ATXN8OS: variants seen among roughly 807,000 people sequenced by gnomAD.
The protein encoded by ATXN8OS is ATXN8 opposite strand (non-protein coding).
At chr13:70,161,185 A>C (rs1338511267) in intron 4 of ATXN8OS, among the ~76,000 whole-genome samples, 2 of 152,186 alleles carry the variant, frequency 1.3e-5, no homozygotes, top group African/African-American at 4.8e-5. Context: ...AAACTGAAAA[A>C]TTACCCACTG....
At chr13:70,156,472 T>G (rs370029625) in intron 4 of ATXN8OS, among the ~76,000 whole-genome samples, 3 of 152,062 alleles carry the variant, frequency 2.0e-5, no homozygotes, top group South Asian at 4.1e-4. Context: ...CTATAAGAAA[T>G]AATATTATAT....
intron 2 of ATXN8OS, among the ~76,000 whole-genome samples, chr13:70,127,337 A>G (rs965036024): frequency 1.3e-5 from 2 of 152,054 alleles, no homozygotes; most frequent in Non-Finnish European, 2.9e-5. Context: ...GGTTAAAACT[A>G]AACTTTTAAT....
At chr13:70,137,638 C>T (rs1349414658) in intron 3 of ATXN8OS, among the ~76,000 whole-genome samples, 2 of 152,070 alleles carry the variant, frequency 1.3e-5, no homozygotes, top group Non-Finnish European at 2.9e-5. Context: ...TGAAGAACTA[C>T]TGTACTTCAG....
intron 4 of ATXN8OS, among the ~76,000 whole-genome samples, chr13:70,162,370 C>T (rs372447553): frequency 2.0e-5 from 3 of 152,130 alleles, no homozygotes; most frequent in East Asian, 3.9e-4. Flanking sequence ...GCTGAACAAA[C>T]CCCCTAGAGG....
intron 1 of ATXN8OS, among the ~76,000 whole-genome samples, chr13:70,110,724 T>C (rs970123357): frequency 6.6e-6 from 1 of 152,030 alleles, no homozygotes; most frequent in Non-Finnish European, 1.5e-5. Flanking sequence ...TATCTATTAT[T>C]CAAAAATAAA....
At chr13:70,116,740 AG>A (rs1196891097) in intron 2 of ATXN8OS, among the ~76,000 whole-genome samples, 1 of 152,140 alleles carries the variant, frequency 6.6e-6, no homozygotes, top group Non-Finnish European at 1.5e-5. Flanking sequence ...GAAGAAAGCA[AG>A]GTAGAGAAAA....
intron 4 of ATXN8OS, among the ~76,000 whole-genome samples, chr13:70,157,508 GATATC>G (rs67130647): frequency 0.49 from 74,491 of 150,706 alleles, 20,674 homozygotes; most frequent in Non-Finnish European, 0.64. Context: ...ACATGACTAA[GATATC>G]CAGAGATTTG....
intron 1 of ATXN8OS, among the ~76,000 whole-genome samples, chr13:70,114,960 G>T (rs1256383064): frequency 6.6e-6 from 1 of 151,928 alleles, no homozygotes; most frequent in African/African-American, 2.4e-5. Flanking sequence ...CATTTCCTCA[G>T]CTGTGTGAGC....
chr13:70,148,625 C>T (rs866805828), intron 4 of ATXN8OS, among the ~76,000 whole-genome samples: 18 of 152,036 alleles, frequency 1.2e-4, no homozygotes, highest in African/African-American at 7.2e-5. Context: ...TTCTACATTC[C>T]TTTTTCTCTA....
chr13:70,110,225 AT>A (rs1384898344), intron 1 of ATXN8OS, among the ~76,000 whole-genome samples: 1 of 152,132 alleles, frequency 6.6e-6, no homozygotes, highest in Admixed American at 6.5e-5. Flanking sequence ...TTGTAGTAAC[AT>A]TTAGTATGTT....
chr13:70,115,874 A>G (rs1888271855), intron 2 of ATXN8OS, among the ~76,000 whole-genome samples: 1 of 152,084 alleles, frequency 6.6e-6, no homozygotes, highest in Non-Finnish European at 1.5e-5. Context: ...CCTCATTTGT[A>G]TTTCTAAAGT....
chr13:70,160,757 ATT>A (rs1888997641), intron 4 of ATXN8OS, among the ~76,000 whole-genome samples: 2 of 38,570 alleles, frequency 5.2e-5, no homozygotes, highest in African/African-American at 9.5e-5. Flanking sequence ...ATAATTTTAT[ATT>A]TATATAATAT....
intron 2 of ATXN8OS, among the ~76,000 whole-genome samples, chr13:70,123,693 T>C (rs1399161848): frequency 6.6e-6 from 1 of 152,056 alleles, no homozygotes; most frequent in Non-Finnish European, 1.5e-5. Context: ...CAATTCACCA[T>C]TAAGTAATGA....
intron 4 of ATXN8OS, among the ~76,000 whole-genome samples, chr13:70,148,067 T>C (rs1234555087): frequency 6.6e-6 from 1 of 151,788 alleles, no homozygotes; most frequent in Non-Finnish European, 1.5e-5. Flanking sequence ...TGGAAGAGAG[T>C]TGTGGAAGCC....
At chr13:70,152,207 A>G (rs1403813928) in intron 4 of ATXN8OS, among the ~76,000 whole-genome samples, 1 of 151,784 alleles carries the variant, frequency 6.6e-6, no homozygotes, top group Non-Finnish European at 1.5e-5. Context: ...CACCTGGCCA[A>G]TTTCTACCTA....
At chr13:70,111,301 G>T (rs1028901799) in intron 1 of ATXN8OS, among the ~76,000 whole-genome samples, 1 of 152,142 alleles carries the variant, frequency 6.6e-6, no homozygotes, top group Admixed American at 6.5e-5. Context: ...AAAACCTGAA[G>T]GTGGGTAACT....
At chr13:70,108,965 T>G (rs1888153135) in intron 1 of ATXN8OS, among the ~76,000 whole-genome samples, 1 of 152,206 alleles carries the variant, frequency 6.6e-6, no homozygotes, top group Admixed American at 6.5e-5. Flanking sequence ...AATTTGAAGA[T>G]GGGCATCTGA....
intron 3 of ATXN8OS, among the ~76,000 whole-genome samples, chr13:70,132,080 T>A (rs957783590): frequency 6.6e-6 from 1 of 152,160 alleles, no homozygotes; most frequent in Non-Finnish European, 1.5e-5. Context: ...ATAGCATTCA[T>A]GTTAAAATTT....
At chr13:70,115,545 G>T (rs9599551) in intron 2 of ATXN8OS, among the ~76,000 whole-genome samples, 27 of 151,918 alleles carry the variant, frequency 1.8e-4, no homozygotes, top group African/African-American at 4.3e-4. Context: ...TGGTTTTTTT[G>T]GGGGGGCAAC....
Sources: gnomAD v4.1 joint callset for allele counts (sites outside exome capture counted in the v4.1 genomes callset) on GRCh38, gnomAD v4.1.1 for gene constraint, MANE v1.5 for transcripts, NCBI Gene and HGNC (gene_info 2026-07-23, HGNC 2026-07-21) for gene names.